The following BUB1 variants were observed in gnomAD, a reference collection of about 807,000 sequenced individuals.
BUB1 encodes BUB1 mitotic checkpoint serine/threonine kinase, also known as mitotic checkpoint serine/threonine-protein kinase BUB1.
BUB1 carries 84 observed loss-of-function variants against 135.2 expected under a neutral mutation model. That is an observed-to-expected ratio of 0.62 (90% CI 0.52 to 0.74). The LOEUF (loss-of-function observed/expected upper bound fraction) is 0.74, where lower values mean the gene tolerates loss of function less well. BUB1 is among the 30% of genes least tolerant of loss of function. The probability of loss-of-function intolerance (pLI) is 0.00; values close to 1 mark genes in which losing one functional copy is unlikely to be tolerated. For synonymous variants in BUB1, 403 were observed against 434.4 expected (o/e 0.93, Z 0.90); for missense variants, 1,162 against 1,288.3 (o/e 0.90, Z 1.50).
Position 110,669,653 on chromosome 2 carries a change from TAAG to T in BUB1, c.467-103_467-101del, listed in dbSNP as rs1690364542. ...CCCCTGATCCTTCCAGTAGGAATCA[TAAG>T]AAGTAAATCAACTCATTCACACTGT... On this transcript the variant is annotated intron_variant, in intron 5 of 24. Coordinates refer to ENST00000302759, the MANE Select transcript of BUB1 (RefSeq NM_004336.5). 3 of 718,600 alleles carry T rather than the reference TAAG, an allele frequency of 4.2e-6. No homozygotes were observed. The East Asian group carries it at 7.7e-5, about 18-fold the overall frequency. 44.5% of individuals were successfully genotyped at this position (718,600 alleles called of 1,614,324 possible). A position where few individuals can be genotyped will look rare whatever the true frequency, so the allele number is the denominator to read the frequency against.
chr2:110,670,666 T>C, intron 4 of BUB1, 98 bp from the exon 5 acceptor site: 1 of 1,241,566 alleles, frequency 8.1e-7, no homozygotes, highest in Non-Finnish European at 1.2e-6. Flanking sequence ...TATTATAAGC[T>C]AGTAAAGTCT....
chr2:110,672,171 G>A (rs752603624), intron 4 of BUB1, among the ~76,000 whole-genome samples: 43 of 152,050 alleles, frequency 2.8e-4, no homozygotes, highest in Non-Finnish European at 6.0e-4. Flanking sequence ...AGGTTGCAGT[G>A]AGCTGAGATT....
In BUB1 at chr2:110,641,370, T is replaced by C; in HGVS notation, c.2720A>G (p.Gln907Arg). 6.2e-7 allele frequency: 1 copy of C among 1,614,092 alleles called. No individual in the cohort carries two copies. Among genetic ancestry groups the C allele is most frequent in the Admixed American group, 1.7e-5 (1 of 59,986 alleles). The change falls in exon 22 of 25, where the codon CAA becomes CGA. Residue 907 changes from glutamine (Q) to arginine (R), a missense_variant. By Grantham distance (43) the Gln-to-Arg change is conservative (BLOSUM62 1). Transcript: ENST00000302759. ...ATGAATGATTTCACAGTCATGCACT[T>C]GCTCAATCATGTAAAGCATTCTCAT... is the stretch of plus-strand genomic sequence containing the variant. ...FAMRMLYMIE[Q>R]VHDCEIIHGD...
At chr2:110,641,533 T>G in intron 21 of BUB1, 69 bp from the exon 22 acceptor site, 1 of 1,558,814 alleles carries the variant, frequency 6.4e-7, no homozygotes, top group African/African-American at 1.4e-5. Context: ...ATTGAGAGCT[T>G]TGCCCCTGCC....
intron 18 of BUB1, among the ~76,000 whole-genome samples, chr2:110,649,645 C>G (rs1689729581): frequency 2.0e-5 from 3 of 152,150 alleles, no homozygotes; most frequent in African/African-American, 7.2e-5. Context: ...TGCATTTGCT[C>G]CACTCAACTG....
chr2:110,659,554 C>T (rs1401376799), intron 11 of BUB1, among the ~76,000 whole-genome samples: 3 of 152,154 alleles, frequency 2.0e-5, no homozygotes, highest in African/African-American at 7.2e-5. Context: ...GTCCCAGTCA[C>T]ACAGCGGAGA....
intron 1 of BUB1, among the ~76,000 whole-genome samples, chr2:110,677,257 G>A (rs1004752895): frequency 3.9e-5 from 6 of 152,190 alleles, no homozygotes; most frequent in African/African-American, 1.4e-4. Context: ...AGAGCAAATG[G>A]ATTTTTGTTT....
chr2:110,654,011 T>C (rs1251625684), intron 16 of BUB1, among the ~76,000 whole-genome samples: 2 of 152,036 alleles, frequency 1.3e-5, no homozygotes, highest in Non-Finnish European at 2.9e-5. Context: ...AAATAAAATC[T>C]ACTACTAATA....
intron 17 of BUB1, among the ~76,000 whole-genome samples, chr2:110,653,219 G>A (rs535790867): frequency 1.2e-4 from 19 of 152,232 alleles, no homozygotes; most frequent in African/African-American, 4.1e-4. Flanking sequence ...ATCAAGCACC[G>A]GCCTGATGTA....
chr2:110,670,182 G>A (rs1220525710), intron 5 of BUB1, among the ~76,000 whole-genome samples: 3 of 132,522 alleles, frequency 2.3e-5, no homozygotes, highest in South Asian at 2.5e-4. Flanking sequence ...TCTGTCGCCC[G>A]GGCTGGAATG....
At chr2:110,664,542 CA>C (rs1012931174) in intron 9 of BUB1, among the ~76,000 whole-genome samples, 1 of 149,514 alleles carries the variant, frequency 6.7e-6, no homozygotes, top group African/African-American at 2.5e-5. Context: ...CAAGAGACCT[CA>C]AAAACTAACC....
chr2:110,639,293 C>T (rs1194696951), intron 24 of BUB1, among the ~76,000 whole-genome samples: 1 of 150,800 alleles, frequency 6.6e-6, no homozygotes, highest in Non-Finnish European at 1.5e-5. Flanking sequence ...TGAGAGAGAG[C>T]TATTCATATT....
In BUB1 at chr2:110,667,432, G is replaced by A. The variant is rs10197162; in HGVS notation, c.805+89C>T. ...GACTTTCTTGCAGTCTTTCAACATAGTCAATTATTCTTTAAAAAAGTAATT... is the reference window on the plus strand; with the variant it reads ...GACTTTCTTGCAGTCTTTCAACATAATCAATTATTCTTTAAAAAAGTAATT... On this transcript the variant is annotated intron_variant, in intron 8 of 24. Coordinates refer to ENST00000302759, the MANE Select transcript of BUB1 (RefSeq NM_004336.5). 4,923 of 1,280,876 alleles carry A rather than the reference G, an allele frequency of 3.8e-3. 169 individuals are homozygous for A. In the African/African-American group the frequency reaches 0.067, roughly 17 times the overall value. 79.3% of individuals were successfully genotyped at this position (1,280,876 alleles called of 1,614,324 possible). A position where few individuals can be genotyped will look rare whatever the true frequency, so the allele number is the denominator to read the frequency against.
At position 110,648,211 on chromosome 2, in the gene BUB1, A is replaced by AT. The variant is rs533968262; in HGVS notation, c.2347+1022dup. ...TTCATGCACTAAACATTATTCAGTG[A>AT]TAAAAAAAAAAAAGCTATCAAATCA... On this transcript the variant is annotated intron_variant, in intron 19 of 24. Transcript: ENST00000302759. The surrounding 1 kb of genome is among the most constrained non-coding windows in gnomAD (Gnocchi z 4.2). Among the ~76,000 whole-genome samples, 292 of 152,038 alleles carry AT rather than the reference A, an allele frequency of 1.9e-3. 2 individuals carry two copies. The highest frequency in any genetic ancestry group is 3.4e-3 in the Non-Finnish European group (229 of 67,946).
intron 17 of BUB1, among the ~76,000 whole-genome samples, chr2:110,651,114 T>C (rs62162624): frequency 0.042 from 6,465 of 152,298 alleles, 225 homozygotes; most frequent in Non-Finnish European, 0.059. Context: ...ACTGAATATT[T>C]AACTTTATTC....
At chr2:110,653,589 T>C (rs1689842192) in intron 16 of BUB1, 66 bp from the exon 17 acceptor site, 1 of 1,317,912 alleles carries the variant, frequency 7.6e-7, no homozygotes, top group Non-Finnish European at 1.1e-6. Context: ...ACACACCATT[T>C]GATATGGTTA....
In BUB1 at chr2:110,661,759, G is replaced by A. The variant is rs1289942181; in HGVS notation, c.1040C>T (p.Thr347Ile). ...TGGGTTCTTTTCCATGTTCACTGGT[G>A]TCTGCTGATAGGTTACTGGAAGACA... Reference protein sequence around the residue: ...APCLPVTYQQTPVNMEKNPRE... With the variant: ...APCLPVTYQQIPVNMEKNPRE... Residue 347 changes from threonine (T) to isoleucine (I), a missense_variant, in exon 10 of 25, where the codon ACA (threonine) becomes ATA (isoleucine). Transcript: ENST00000302759. 2 of 1,614,096 alleles carry A rather than the reference G, an allele frequency of 1.2e-6. No homozygotes were observed. The highest frequency in any genetic ancestry group is 2.7e-5 in the African/African-American group (2 of 74,928).
intron 3 of BUB1, among the ~76,000 whole-genome samples, chr2:110,673,471 G>C (rs1237395449): frequency 6.6e-6 from 1 of 152,142 alleles, no homozygotes; most frequent in Non-Finnish European, 1.5e-5. Context: ...TTGTGGAACA[G>C]AACCCTTAAG....
At chr2:110,670,042 G>A (rs1017851648) in intron 5 of BUB1, among the ~76,000 whole-genome samples, 5 of 151,600 alleles carry the variant, frequency 3.3e-5, no homozygotes, top group African/African-American at 9.7e-5. Flanking sequence ...TGCTCTTTGG[G>A]GCTATTTAGT....
Sources: gnomAD v4.1 joint callset for allele counts (sites outside exome capture counted in the v4.1 genomes callset) on GRCh38, gnomAD v4.1.1 for gene constraint, Gnocchi (gnomAD v3.1) non-coding constraint, MANE v1.5 for transcripts, NCBI Gene and HGNC (gene_info 2026-07-23, HGNC 2026-07-21) for gene names.